DNAAF4: variants seen among roughly 807,000 people sequenced by gnomAD.
The protein encoded by DNAAF4 is dynein assembly factor 4, axonemal.
A neutral mutation model predicts 51.8 loss-of-function variants in DNAAF4; 43 were observed. The ratio of observed to expected loss-of-function variants is 0.83; its 90% CI spans 0.65 to 1.07. The LOEUF (loss-of-function observed/expected upper bound fraction) is 1.07, where lower values mean the gene tolerates loss of function less well. Among genes scored for constraint, DNAAF4 ranks in the 50% least tolerant of loss-of-function variants. DNAAF4 has a pLI of 0.00. For missense variants in DNAAF4, 581 were observed against 493.0 expected, an observed-to-expected ratio of 1.18 and a Z score of -1.69; for synonymous variants, 194 against 165.6, an observed-to-expected ratio of 1.17 and a Z score of -1.32.
At chr15:55,432,634 G>A (rs2057514333) in intron 8 of DNAAF4, 32 bp from the exon 9 acceptor site, 8 of 1,548,728 alleles carry the variant, frequency 5.2e-6, no homozygotes, top group African/African-American at 4.1e-5. Context: ...TTACAAGAAA[G>A]TTATAGTTTC....
intron 4 of DNAAF4, among the ~76,000 whole-genome samples, chr15:55,483,833 CTTTTTTTTTTTTTTTTTTTTT>C (rs71105887): frequency 0.38 from 31,031 of 82,672 alleles, 5,242 homozygotes; most frequent in Middle Eastern, 0.51. Flanking sequence ...GCCAATAAAG[CTTTTTTTTTTTTTTTTTTTTT>C]TTTTTTTTTT....
downstream of DNAAF4, among the ~76,000 whole-genome samples, chr15:55,427,922 A>T (rs928555273): frequency 6.6e-6 from 1 of 150,902 alleles, no homozygotes; most frequent in Non-Finnish European, 1.5e-5. Flanking sequence ...GGCATGAGCC[A>T]CCGCGCCTGG....
intron 1 of DNAAF4, among the ~76,000 whole-genome samples, chr15:55,500,958 C>T (rs1056442749): frequency 1.4e-5 from 2 of 138,950 alleles, no homozygotes; most frequent in Non-Finnish European, 3.0e-5. Context: ...TGCCATTGCA[C>T]TCCAGCCTGA....
intron 5 of DNAAF4, among the ~76,000 whole-genome samples, chr15:55,466,419 G>C (rs1017963500): frequency 2.0e-5 from 3 of 151,446 alleles, no homozygotes; most frequent in African/African-American, 7.3e-5. Context: ...GCCAGACCTT[G>C]TCTCAAAAAA....
At chr15:55,494,776 C>G (rs1354122204) in intron 3 of DNAAF4, among the ~76,000 whole-genome samples, 1 of 152,052 alleles carries the variant, frequency 6.6e-6, no homozygotes, top group African/African-American at 2.4e-5. Flanking sequence ...GACCCATGGG[C>G]CAAATCCGAC....
intron 5 of DNAAF4, among the ~76,000 whole-genome samples, chr15:55,458,016 T>C (rs987866875): frequency 2.0e-5 from 3 of 152,154 alleles, no homozygotes; most frequent in Non-Finnish European, 4.4e-5. Flanking sequence ...GGAACACCCA[T>C]GGGACAGAAG....
intron 6 of DNAAF4, among the ~76,000 whole-genome samples, chr15:55,441,244 G>A (rs2057706941): frequency 6.7e-6 from 1 of 148,870 alleles, no homozygotes; most frequent in Admixed American, 6.8e-5. Flanking sequence ...GCCAGTTTTT[G>A]TATTTTTAGT....
chr15:55,437,168 A>G (rs1411363369), intron 7 of DNAAF4, among the ~76,000 whole-genome samples: 2 of 152,156 alleles, frequency 1.3e-5, no homozygotes, highest in African/African-American at 2.4e-5. Flanking sequence ...AGTGTTTTAA[A>G]TATTTGTGTA....
intron 3 of DNAAF4, among the ~76,000 whole-genome samples, chr15:55,492,986 A>C (rs983875940): frequency 6.6e-6 from 1 of 152,184 alleles, no homozygotes; most frequent in African/African-American, 2.4e-5. Flanking sequence ...CTATGGTCTG[A>C]ATGTTTATGT....
rs750578502 is a variant in DNAAF4, at chr15:55,498,336, A to G, written c.-7T>C. ...CGCTAACCTGAAGAGGCATTCCGGT[A>G]GCAACGGGAGCGGATAGCGCGGCTG... On this transcript the variant is annotated 5_prime_UTR_variant, in exon 2 of 10. Coordinates refer to ENST00000321149, the MANE Select transcript of DNAAF4 (RefSeq NM_130810.4). 8.8e-6 allele frequency: 14 copies of G among 1,596,782 alleles called. No individual in the cohort carries two copies. The African/African-American group carries it at 1.9e-4, about 22-fold the overall frequency.
chr15:55,463,543 A>G (rs958176464), intron 5 of DNAAF4, among the ~76,000 whole-genome samples: 1 of 152,126 alleles, frequency 6.6e-6, no homozygotes. Flanking sequence ...AATCCTAAAG[A>G]TTCATCCAAA....
In DNAAF4 at chr15:55,497,744, G is replaced by T; in HGVS notation, c.239C>A (p.Ala80Glu). The change falls in exon 3 of 10, where the codon GCG (alanine) becomes GAG (glutamate). Residue 80 changes from alanine (A) to glutamate (E), a missense_variant. Physicochemically the swap from Ala to Glu is moderately radical, Grantham distance 107. Coordinates refer to ENST00000321149, the MANE Select transcript of DNAAF4 (RefSeq NM_130810.4). ...TIVFTLYKKE[A>E]AMWETLSVTG... ...CACAGAAAGGGTCTCCCACATGGCC[G>T]CTTCTTTTTTATACAAGGTGAAGAC... 6.2e-7 allele frequency: 1 copy of T among 1,613,138 alleles called. No individual in the cohort carries two copies. Among genetic ancestry groups the T allele is most frequent in the Non-Finnish European group, 8.5e-7 (1 of 1,179,598 alleles).
chr15:55,495,454 T>C (rs532505293), intron 3 of DNAAF4, among the ~76,000 whole-genome samples: 1 of 152,276 alleles, frequency 6.6e-6, no homozygotes, highest in South Asian at 2.1e-4. Context: ...TTCCAGGCAG[T>C]AGTCTGGGTG....
chr15:55,433,924 T>A (rs372459015), intron 8 of DNAAF4, among the ~76,000 whole-genome samples: 4,789 of 35,364 alleles, frequency 0.14, 562 homozygotes, highest in African/African-American at 0.23. Flanking sequence ...TTATATATAT[T>A]ATATTATATA....
At chr15:55,503,553 G>T (rs528286277) in intron 1 of DNAAF4, among the ~76,000 whole-genome samples, 2 of 152,280 alleles carry the variant, frequency 1.3e-5, no homozygotes, top group South Asian at 4.1e-4. Flanking sequence ...GAATCCAGCA[G>T]CACCTCAGAA....
chr15:55,479,532 T>C (rs1387871343), intron 4 of DNAAF4, among the ~76,000 whole-genome samples: 1 of 152,012 alleles, frequency 6.6e-6, no homozygotes, highest in African/African-American at 2.4e-5. Flanking sequence ...AAGAACGGAA[T>C]AATAGCAATT....
At chr15:55,433,999 T>TAA (rs1567000807) in intron 8 of DNAAF4, among the ~76,000 whole-genome samples, 3 of 62,080 alleles carry the variant, frequency 4.8e-5, no homozygotes, top group African/African-American at 5.6e-5. Flanking sequence ...ATATATAATA[T>TAA]TATATATATT....
At chr15:55,487,679 C>T (rs926538882) in intron 4 of DNAAF4, among the ~76,000 whole-genome samples, 7 of 152,082 alleles carry the variant, frequency 4.6e-5, no homozygotes, top group Admixed American at 1.3e-4. Context: ...ACTCCGGACG[C>T]GCCACCATTA....
At chr15:55,486,608 C>A (rs899193817) in intron 4 of DNAAF4, among the ~76,000 whole-genome samples, 1 of 151,720 alleles carries the variant, frequency 6.6e-6, no homozygotes, top group Admixed American at 6.6e-5. Flanking sequence ...ATAGTTAGAC[C>A]CCATCTCTAC....
Sources: allele counts gnomAD v4.1 joint callset (sites outside exome capture counted in the v4.1 genomes callset), GRCh38; gene constraint gnomAD v4.1.1; transcripts MANE v1.5; gene names NCBI Gene and HGNC (gene_info 2026-07-23, HGNC 2026-07-21).